Variants in OSBPL3 observed in about 807,000 individuals in gnomAD.
The protein encoded by OSBPL3 is oxysterol binding protein like 3.
Under a neutral mutation model 120.1 loss-of-function variants are expected in OSBPL3, and 65 were observed. That is an observed-to-expected ratio of 0.54 (90% CI 0.44 to 0.67). OSBPL3 has a LOEUF of 0.67. OSBPL3 is among the 30% of genes least tolerant of loss of function. The pLI, the probability that OSBPL3 is intolerant of heterozygous loss-of-function variation, is 0.00. For missense variants in OSBPL3, 1,004 were observed against 1,082.1 expected (o/e 0.93, Z 1.01); for synonymous variants, 416 against 402.6 (o/e 1.03, Z -0.40).
chr7:24,923,194 T>C (rs930865366), intron 1 of OSBPL3, among the ~76,000 whole-genome samples: 1 of 152,186 alleles, frequency 6.6e-6, no homozygotes, highest in African/African-American at 2.4e-5. Flanking sequence ...AGCCCAAGCA[T>C]GCCTGTTGAC....
chr7:24,963,504 T>C (rs1816021810), intron 1 of OSBPL3, among the ~76,000 whole-genome samples: 1 of 152,124 alleles, frequency 6.6e-6, no homozygotes, highest in Admixed American at 6.5e-5. Context: ...CCTTTTTTGC[T>C]GACATCTGCC....
intron 1 of OSBPL3, among the ~76,000 whole-genome samples, chr7:24,893,899 T>C (rs1265706919): frequency 6.6e-6 from 1 of 152,146 alleles, no homozygotes; most frequent in Non-Finnish European, 1.5e-5. Context: ...GGTTTTGGCT[T>C]CAGAAAACCA....
In OSBPL3 at chr7:24,968,406, G is replaced by GT. The variant is rs911892282; in HGVS notation, c.-150+11479dup. Among the ~76,000 whole-genome samples, 54 of 151,770 alleles carry GT rather than the reference G, an allele frequency of 3.6e-4. No individual in the cohort carries two copies. The highest frequency in any genetic ancestry group is 1.2e-3 in the African/African-American group (48 of 41,352). ...CTGGCTTCAGCACACCAGTTTTTTT[G>GT]TTTTTTTTGAGTCGGAGTCTCCCTC... On this transcript the variant is annotated intron_variant, in intron 1 of 22. Coordinates refer to ENST00000313367, the MANE Select transcript of OSBPL3 (RefSeq NM_015550.4). This position sits in a 1 kb window ranked among gnomAD's most constrained non-coding sequence, Gnocchi z 4.6.
rs1182971436 is a variant in OSBPL3 at position 24,898,347 on chromosome 7, T to C, written c.-149-5726A>G. Among the ~76,000 whole-genome samples, 1 of 152,212 alleles carries C rather than the reference T, an allele frequency of 6.6e-6. No homozygotes were observed. Among genetic ancestry groups the C allele is most frequent in the Non-Finnish European group, 1.5e-5 (1 of 68,038 alleles). ...AAAGGCACCCATACCTGACTGTTTCTGGGAGAGGAGTACTAAGTTTCTGGG... is the reference window on the plus strand; with the variant it reads ...AAAGGCACCCATACCTGACTGTTTCCGGGAGAGGAGTACTAAGTTTCTGGG... On this transcript the variant is annotated intron_variant, in intron 1 of 22. Transcript: ENST00000313367. The surrounding 1 kb of genome is among the most constrained non-coding windows in gnomAD (Gnocchi z 4.3).
At chr7:24,927,745 A>G (rs974337504) in intron 1 of OSBPL3, among the ~76,000 whole-genome samples, 2 of 152,174 alleles carry the variant, frequency 1.3e-5, no homozygotes, top group African/African-American at 2.4e-5. Flanking sequence ...AGAAAATTCA[A>G]TGGCATGATA....
In OSBPL3 at chr7:24,946,057, G is replaced by A. The variant is rs564560830; in HGVS notation, c.-150+33829C>T. On this transcript the variant is annotated intron_variant, in intron 1 of 22. Transcript: ENST00000313367. This position sits in a 1 kb window ranked among gnomAD's most constrained non-coding sequence, Gnocchi z 4.3. Reference sequence around the variant, plus strand: ...GTGGGGCTGGAGCTAGGTGGGGCTAGAGTCATCTGAAGGCTCAGCTGGGTA... The same window carrying A: ...GTGGGGCTGGAGCTAGGTGGGGCTAAAGTCATCTGAAGGCTCAGCTGGGTA... Among the ~76,000 whole-genome samples the A allele has an allele frequency of 6.6e-6, 1 of 152,170 alleles. No homozygotes were observed. The highest frequency in any genetic ancestry group is 1.5e-5 in the Non-Finnish European group (1 of 68,036).
rs1431150837 is a variant in OSBPL3, at chr7:24,952,981, C to T, written c.-150+26905G>A. Among the ~76,000 whole-genome samples, 2 of 151,986 alleles carry T rather than the reference C, an allele frequency of 1.3e-5. No homozygotes were observed. Among genetic ancestry groups the T allele is most frequent in the African/African-American group, 4.8e-5 (2 of 41,382 alleles). On this transcript the variant is annotated intron_variant, in intron 1 of 22. Coordinates refer to ENST00000313367, the MANE Select transcript of OSBPL3 (RefSeq NM_015550.4). This position sits in a 1 kb window ranked among gnomAD's most constrained non-coding sequence, Gnocchi z 4.4. The stretch of plus-strand genomic sequence containing the variant: ...CAAGACACTGTCTCTACAAAAAAAT[C>T]TAAAAATTAGCCAGGCATGGTGGTG...
At chr7:24,924,864 C>T (rs1279485872) in intron 1 of OSBPL3, among the ~76,000 whole-genome samples, 4 of 152,142 alleles carry the variant, frequency 2.6e-5, no homozygotes, top group Non-Finnish European at 2.9e-5. Flanking sequence ...TCACATTTGT[C>T]CCGGCTCAGG....
rs1401447287 is a variant in OSBPL3 at position 24,835,449 on chromosome 7, C to T, written c.1496-713G>A. 3.9e-5 allele frequency among the ~76,000 whole-genome samples: 6 copies of T among 152,106 alleles called. No individual in the cohort carries two copies. The highest frequency in any genetic ancestry group is 1.4e-4 in the African/African-American group (6 of 41,426). On this transcript the variant is annotated intron_variant, in intron 14 of 22. Coordinates refer to ENST00000313367, the MANE Select transcript of OSBPL3 (RefSeq NM_015550.4). The surrounding 1 kb of genome is among the most constrained non-coding windows in gnomAD (Gnocchi z 4.8). Reference sequence around the variant, plus strand: ...GTGAGGCTGCAGAGAAAAGGGAATACTTATACACTACTGGCGGGAATGTAA... The same window carrying T: ...GTGAGGCTGCAGAGAAAAGGGAATATTTATACACTACTGGCGGGAATGTAA...
chr7:24,885,767 C>G (rs958763014), intron 2 of OSBPL3, among the ~76,000 whole-genome samples: 1 of 152,198 alleles, frequency 6.6e-6, no homozygotes, highest in East Asian at 1.9e-4. Context: ...TTCATAGCTT[C>G]GTATATCCCT....
chr7:24,961,349 A>T (rs75852705), intron 1 of OSBPL3, among the ~76,000 whole-genome samples: 2,540 of 152,246 alleles, frequency 0.017, 67 homozygotes, highest in African/African-American at 0.058. Context: ...CATCTAGTTG[A>T]AATTAACCTT....
chr7:24,917,242 G>C (rs1182530072), intron 1 of OSBPL3, among the ~76,000 whole-genome samples: 1 of 151,728 alleles, frequency 6.6e-6, no homozygotes, highest in Admixed American at 6.6e-5. Context: ...TAAGGGGTGT[G>C]CATCAGAGCA....
chr7:24,855,642 C>A lies in OSBPL3; in HGVS notation c.1028-3008G>T, dbSNP rs1267797688. ...CAGCCACCTAATGATCTGCCACACA[C>A]AGGGCAATGATCAGAGGTTGCTCAT... is the stretch of plus-strand genomic sequence containing the variant. On this transcript the variant is annotated intron_variant, in intron 10 of 22. Transcript: ENST00000313367. This position sits in a 1 kb window ranked among gnomAD's most constrained non-coding sequence, Gnocchi z 4.3. Among the ~76,000 whole-genome samples, 2 of 152,308 alleles carry A rather than the reference C, an allele frequency of 1.3e-5. No homozygotes were observed. The highest frequency in any genetic ancestry group is 2.1e-4 in the South Asian group (1 of 4,824).
rs1584610076 is a variant in OSBPL3 at position 24,916,082 on chromosome 7, A to G, written c.-149-23461T>C. ...AGGGAGAAGGCACTCGATGTTTATC[A>G]TGTTGTCCTGTTATTCTCAATCCAT... On this transcript the variant is annotated intron_variant, in intron 1 of 22. Coordinates refer to ENST00000313367, the MANE Select transcript of OSBPL3 (RefSeq NM_015550.4). This position sits in a 1 kb window ranked among gnomAD's most constrained non-coding sequence, Gnocchi z 4.9. Among the ~76,000 whole-genome samples the G allele has an allele frequency of 6.6e-6, 1 of 152,208 alleles. No individual in the cohort carries two copies. Among genetic ancestry groups the G allele is most frequent in the Non-Finnish European group, 1.5e-5 (1 of 68,042 alleles).
chr7:24,928,514 C>T (rs952265664), intron 1 of OSBPL3, among the ~76,000 whole-genome samples: 6 of 152,108 alleles, frequency 3.9e-5, no homozygotes, highest in African/African-American at 1.4e-4. Flanking sequence ...ATAAATTACC[C>T]AGTCTCAGGG....
chr7:24,980,135 C>T lies in OSBPL3; in HGVS notation c.-399G>A. ...CTCTCCCGGGCCGGCTGGCGGGCGCCACCAGCACGCGGCCAGTTCTGAGTA... is the reference window on the plus strand; with the variant it reads ...CTCTCCCGGGCCGGCTGGCGGGCGCTACCAGCACGCGGCCAGTTCTGAGTA... On this transcript the variant is annotated 5_prime_UTR_variant, in exon 1 of 23. Transcript: ENST00000313367. The T allele has an allele frequency of 4.0e-6, 3 of 756,916 alleles. No homozygotes were observed. Among genetic ancestry groups the T allele is most frequent in the Non-Finnish European group, 4.8e-6 (3 of 621,124 alleles). 46.9% of individuals were successfully genotyped at this position (756,916 alleles called of 1,614,324 possible).
chr7:24,976,820 T>C (rs1432126325), intron 1 of OSBPL3, among the ~76,000 whole-genome samples: 1 of 152,168 alleles, frequency 6.6e-6, no homozygotes, highest in African/African-American at 2.4e-5. Flanking sequence ...AAAACTGCAT[T>C]ATCCAGACTC....
At chr7:24,840,972 T>G (rs1056406944) in intron 13 of OSBPL3, among the ~76,000 whole-genome samples, 189 bp from the exon 14 acceptor site, 2 of 152,216 alleles carry the variant, frequency 1.3e-5, no homozygotes, top group Non-Finnish European at 2.9e-5. Flanking sequence ...GTTCTTAAAA[T>G]TCTTACACAT....
Position 24,955,736 on chromosome 7 carries a change from T to C in OSBPL3, c.-150+24150A>G, listed in dbSNP as rs1296745843. On this transcript the variant is annotated intron_variant, in intron 1 of 22. Transcript: ENST00000313367. The surrounding 1 kb of genome is among the most constrained non-coding windows in gnomAD (Gnocchi z 4.3). ...GACATACATATTTATTTGCTTATAA[T>C]GCAAACTCCATGAGGGCAGGGACTT... 6.6e-6 allele frequency among the ~76,000 whole-genome samples: 1 copy of C among 152,240 alleles called. No homozygotes were observed. The highest frequency in any genetic ancestry group is 1.5e-5 in the Non-Finnish European group (1 of 68,030).
Sources: allele counts gnomAD v4.1 joint callset (sites outside exome capture counted in the v4.1 genomes callset), GRCh38; gene constraint gnomAD v4.1.1; non-coding constraint Gnocchi (gnomAD v3.1); transcripts MANE v1.5; gene names NCBI Gene and HGNC (gene_info 2026-07-23, HGNC 2026-07-21).